OVOL2: variants seen among roughly 807,000 people sequenced by gnomAD.
OVOL2 encodes ovo like zinc finger 2.
OVOL2 carries 13 observed loss-of-function variants against 18.1 expected under a neutral mutation model. That is an observed-to-expected ratio of 0.72 (90% CI 0.47 to 1.14). The LOEUF is 1.14. Ranked by LOEUF, OVOL2 falls within the 50% of genes most tolerant of loss-of-function variation. The pLI is 0.00. For synonymous variants in OVOL2, 166 were observed against 162.7 expected, an observed-to-expected ratio of 1.02 and a Z score of -0.16; for missense variants, 335 against 383.0, an observed-to-expected ratio of 0.87 and a Z score of 1.05.
At position 18,056,889 on chromosome 20, in the gene OVOL2, G is replaced by A. The variant is rs1313471475; in HGVS notation, c.101-12C>T. 3 of 1,479,682 alleles carry A rather than the reference G, an allele frequency of 2.0e-6. No individual in the cohort carries two copies. The highest frequency in any genetic ancestry group is 1.5e-5 in the African/African-American group (1 of 68,532). The allele number at this position is 1,479,682 out of a possible 1,614,324, so 91.7% of individuals were successfully genotyped here. On this transcript the variant is annotated splice_polypyrimidine_tract_variant and intron_variant, in intron 1 of 3. Transcript: ENST00000278780. The surrounding 1 kb of genome is among the most constrained non-coding windows in gnomAD (Gnocchi z 4.2). ...GCGGCCTAGGCCCACTGTGGAGGGAGGGGCCGCGCCCCGACACACACACTC... is the reference window on the plus strand; with the variant it reads ...GCGGCCTAGGCCCACTGTGGAGGGAAGGGCCGCGCCCCGACACACACACTC...
chr20:18,046,907 C>T (rs1304227242), intron 2 of OVOL2, among the ~76,000 whole-genome samples: 1 of 144,950 alleles, frequency 6.9e-6, no homozygotes, highest in East Asian at 2.0e-4. Flanking sequence ...AGTTACAAAA[C>T]AATAGTGGAA....
chr20:18,032,313 GAGAGAGAAAGAA>G (rs1316004329), intron 3 of OVOL2, among the ~76,000 whole-genome samples: 33 of 141,722 alleles, frequency 2.3e-4, no homozygotes, highest in South Asian at 4.4e-4. Context: ...GAAGGAGAGA[GAGAGAGAAAGAA>G]AGAGAGAAAG....
At chr20:18,051,910 A>T (rs545943429) in intron 2 of OVOL2, among the ~76,000 whole-genome samples, 1 of 151,052 alleles carries the variant, frequency 6.6e-6, no homozygotes, top group East Asian at 1.9e-4. Flanking sequence ...TTTTTTTTGT[A>T]TTTTTTTTTA....
intron 2 of OVOL2, among the ~76,000 whole-genome samples, chr20:18,043,472 C>A (rs2036694565): frequency 6.6e-6 from 1 of 152,144 alleles, no homozygotes; most frequent in Non-Finnish European, 1.5e-5. Context: ...GCCATGTGGA[C>A]AGCCAAAGGC....
intron 3 of OVOL2, among the ~76,000 whole-genome samples, chr20:18,026,412 G>C (rs1397527336): frequency 4.9e-5 from 7 of 143,580 alleles, no homozygotes; most frequent in South Asian, 2.2e-4. Flanking sequence ...GACGGAGTCT[G>C]GCTCTGTCAC....
chr20:18,056,233 A>T lies in OVOL2; in HGVS notation c.321+424T>A, dbSNP rs1453864863. Among the ~76,000 whole-genome samples the T allele has an allele frequency of 6.6e-6, 1 of 152,184 alleles. No individual in the cohort carries two copies. Among genetic ancestry groups the T allele is most frequent in the Non-Finnish European group, 1.5e-5 (1 of 68,024 alleles). The stretch of plus-strand genomic sequence containing the variant: ...GAACTCTCAGAATCGCGGCGCCAGG[A>T]ACTGCGTCCCAGAGGGTGGAATTTC... On this transcript the variant is annotated intron_variant, in intron 2 of 3. Transcript: ENST00000278780. This position sits in a 1 kb window ranked among gnomAD's most constrained non-coding sequence, Gnocchi z 4.2.
intron 3 of OVOL2, among the ~76,000 whole-genome samples, chr20:18,040,264 G>A (rs962986254): frequency 1.3e-5 from 2 of 152,098 alleles, no homozygotes; most frequent in African/African-American, 2.4e-5. Flanking sequence ...GAGGGTGGGT[G>A]GTAACCTGGA....
chr20:18,029,649 C>A (rs1411111585), intron 3 of OVOL2, among the ~76,000 whole-genome samples: 1 of 152,050 alleles, frequency 6.6e-6, no homozygotes, highest in Non-Finnish European at 1.5e-5. Context: ...TCCTTCTGGG[C>A]AGTGTAATGA....
intron 3 of OVOL2, among the ~76,000 whole-genome samples, chr20:18,031,593 A>C (rs1335378820): frequency 1.3e-5 from 2 of 152,052 alleles, no homozygotes; most frequent in Non-Finnish European, 2.9e-5. Flanking sequence ...AAAACAAAAC[A>C]AAAACATAAG....
At chr20:18,026,202 T>C (rs1437765744) in intron 3 of OVOL2, among the ~76,000 whole-genome samples, 1 of 152,102 alleles carries the variant, frequency 6.6e-6, no homozygotes, top group Admixed American at 6.6e-5. Context: ...TGGCAGAATG[T>C]CAGATAAAGA....
At chr20:18,048,638 C>A (rs962047204) in intron 2 of OVOL2, among the ~76,000 whole-genome samples, 10 of 151,634 alleles carry the variant, frequency 6.6e-5, no homozygotes, top group Non-Finnish European at 1.5e-4. Flanking sequence ...AGGTGGGGGG[C>A]GGCGGTTACA....
rs2036843588 is a variant in OVOL2 at position 18,057,663 on chromosome 20, CCCT to C, written c.-32_-30del. ...GGGGTCCCCTCTCCCGACTGCGGCCCCCTCCTCCCGGCTGCTCCCCGCTAGGGG... is the reference window on the plus strand; with the variant it reads ...GGGGTCCCCTCTCCCGACTGCGGCCCCCTCCCGGCTGCTCCCCGCTAGGGG... On this transcript the variant is annotated 5_prime_UTR_variant, in exon 1 of 4. Transcript: ENST00000278780. The surrounding 1 kb of genome is among the most constrained non-coding windows in gnomAD (Gnocchi z 6.3). 1 of 1,544,940 alleles carries C rather than the reference CCCT, an allele frequency of 6.5e-7. No individual in the cohort carries two copies. Among genetic ancestry groups the C allele is most frequent in the African/African-American group, 1.4e-5 (1 of 72,058 alleles).
intron 3 of OVOL2, among the ~76,000 whole-genome samples, chr20:18,039,927 CT>C (rs200079859): frequency 5.3e-5 from 8 of 151,260 alleles, no homozygotes; most frequent in East Asian, 3.9e-4. Context: ...ATAGCAAACC[CT>C]TTTTTTTTCC....
chr20:18,026,895 C>G (rs1317303785), intron 3 of OVOL2, among the ~76,000 whole-genome samples: 1 of 151,916 alleles, frequency 6.6e-6, no homozygotes, highest in Non-Finnish European at 1.5e-5. Context: ...GGCTCACACT[C>G]AAAAAGAAGG....
rs768742074 is a variant in OVOL2, at chr20:18,056,732, G to C, written c.246C>G (p.Pro82=). ...SSPHAPESET[P]EPGDAEGPDG... ...CGGGGCCCTCGGCGTCGCCGGGCTC[G>C]GGGGTTTCGCTCTCGGGGGCGTGCG... The change falls in exon 2 of 4, where the codon CCC becomes CCG. Residue 82 remains proline (P), a synonymous_variant. Coordinates refer to ENST00000278780, the MANE Select transcript of OVOL2 (RefSeq NM_021220.4). This position sits in a 1 kb window ranked among gnomAD's most constrained non-coding sequence, Gnocchi z 4.2. 2.2e-5 allele frequency: 32 copies of C among 1,480,786 alleles called. No homozygotes were observed. The South Asian group carries it at 2.5e-4, about 12-fold the overall frequency. The allele number at this position is 1,480,786 out of a possible 1,614,324, so 91.7% of individuals were successfully genotyped here. A position where few individuals can be genotyped will look rare whatever the true frequency, so the allele number is the denominator to read the frequency against.
Position 18,057,883 on chromosome 20 carries a change from C to T in OVOL2, c.-249G>A, listed in dbSNP as rs947800373. On this transcript the variant is annotated 5_prime_UTR_variant, in exon 1 of 4. It removes an upstream start codon present in the reference 5' UTR. Transcript: ENST00000278780. The surrounding 1 kb of genome is among the most constrained non-coding windows in gnomAD (Gnocchi z 6.3). ...TGAGACCACGCCGGGGAAAAAGTTT[C>T]ATAAGGTGGAATAGAAAAGGCACCA... 6 of 1,330,564 alleles carry T rather than the reference C, an allele frequency of 4.5e-6. No individual in the cohort carries two copies. In the African/African-American group the frequency reaches 7.8e-5, roughly 17 times the overall value. The allele number at this position is 1,330,564 out of a possible 1,614,324, so 82.4% of individuals were successfully genotyped here.
intron 2 of OVOL2, among the ~76,000 whole-genome samples, chr20:18,046,746 G>A (rs1222521888): frequency 1.3e-5 from 2 of 152,144 alleles, no homozygotes; most frequent in Non-Finnish European, 2.9e-5. Context: ...CCTGGATCAG[G>A]ATCACAGCTC....
In OVOL2 at chr20:18,055,793, C is replaced by T. The variant is rs187552694; in HGVS notation, c.321+864G>A. Among the ~76,000 whole-genome samples the T allele has an allele frequency of 5.3e-3, 814 of 152,302 alleles. 4 individuals carry two copies. Among genetic ancestry groups the T allele is most frequent in the Admixed American group, 9.2e-3 (141 of 15,298 alleles). The stretch of plus-strand genomic sequence containing the variant: ...CTAGGGGGTGCACAGTGTAGCACTG[C>T]GGCCCACCAGGCTAGAAAGAGGGGC... On this transcript the variant is annotated intron_variant, in intron 2 of 3. Transcript: ENST00000278780.
chr20:18,049,719 G>A (rs1232056313), intron 2 of OVOL2, among the ~76,000 whole-genome samples: 1 of 152,170 alleles, frequency 6.6e-6, no homozygotes, highest in Admixed American at 6.5e-5. Context: ...CACATGACTT[G>A]TAGTGGCCAA....
Sources: gnomAD v4.1 joint callset for allele counts (sites outside exome capture counted in the v4.1 genomes callset) on GRCh38, gnomAD v4.1.1 for gene constraint, Gnocchi (gnomAD v3.1) non-coding constraint, MANE v1.5 for transcripts, NCBI Gene and HGNC (gene_info 2026-07-23, HGNC 2026-07-21) for gene names.